TP53BP1: variants seen among roughly 807,000 people sequenced by gnomAD.
The protein encoded by TP53BP1 is TP53-binding protein 1.
In TP53BP1, 61 loss-of-function variants were observed where a neutral mutation model predicts 200.8. The ratio of observed to expected loss-of-function variants is 0.30; its 90% CI spans 0.25 to 0.38. The LOEUF (loss-of-function observed/expected upper bound fraction) is 0.38, where lower values mean the gene tolerates loss of function less well. Ranked by LOEUF, TP53BP1 falls within the 10% of genes least tolerant of loss-of-function variation. The pLI, the probability that TP53BP1 is intolerant of heterozygous loss-of-function variation, is 1.00. For missense variants in TP53BP1, 2,144 were observed against 2,371.9 expected, an observed-to-expected ratio of 0.90 and a Z score of 2.00; for synonymous variants, 822 against 844.3, an observed-to-expected ratio of 0.97 and a Z score of 0.46.
At position 43,405,175 on chromosome 15, in the gene TP53BP1, T is replaced by TA. The variant is rs1182178350; in HGVS notation, c.*2207dup. 6.2e-7 allele frequency: 1 copy of TA among 1,613,860 alleles called. No homozygotes were observed. Reference sequence around the variant, plus strand: ...GGTAGTCTTGGGAAAGCATGACACTTAATAAGGCTCTTTTTCTCTTTTGTA... The same window carrying TA: ...GGTAGTCTTGGGAAAGCATGACACTTAAATAAGGCTCTTTTTCTCTTTTGTA... On this transcript the variant is annotated 3_prime_UTR_variant, in exon 28 of 28. Coordinates refer to ENST00000382044, the MANE Select transcript of TP53BP1 (RefSeq NM_001141980.3).
chr15:43,404,557 G>A lies in TP53BP1; in HGVS notation c.*2826C>T, dbSNP rs1022407595. 11 of 1,613,846 alleles carry A rather than the reference G, an allele frequency of 6.8e-6. No homozygotes were observed. In the Admixed American group the frequency reaches 1.2e-4, roughly 17 times the overall value. ...GGCTGGTGGAACTCTGGGCAGGTAG[G>A]AGCAACCCTTGGGTAACTCAGTAGA... On this transcript the variant is annotated 3_prime_UTR_variant, in exon 28 of 28. Coordinates refer to ENST00000382044, the MANE Select transcript of TP53BP1 (RefSeq NM_001141980.3).
At chr15:43,491,968 A>G (rs780972739) in intron 3 of TP53BP1, 34 bp downstream of exon 3, 2 of 1,544,498 alleles carry the variant, frequency 1.3e-6, no homozygotes, top group Admixed American at 1.7e-5. Flanking sequence ...CACCCAAAAA[A>G]TGCAAAGGGG....
At chr15:43,451,360 G>A (rs1456342867) in intron 12 of TP53BP1, among the ~76,000 whole-genome samples, 1 of 144,204 alleles carries the variant, frequency 6.9e-6, no homozygotes, top group East Asian at 2.1e-4. Flanking sequence ...ACAGTCCCCA[G>A]AGTGTGATGT....
At chr15:43,438,297 A>T in intron 16 of TP53BP1, 27 bp downstream of exon 16, 1 of 1,605,064 alleles carries the variant, frequency 6.2e-7, no homozygotes. Context: ...AATGGAGCCC[A>T]AAAGATTCTA....
Position 43,435,493 on chromosome 15 carries a change from C to A in TP53BP1, c.3192-2816G>T, listed in dbSNP as rs926163152. 2.6e-5 allele frequency among the ~76,000 whole-genome samples: 4 copies of A among 152,020 alleles called. No homozygotes were observed. In the East Asian group the frequency reaches 7.7e-4, roughly 29 times the overall value. ...GCTTTAATAAAAAAGCAAGGCAATA[C>A]AATGACATCAATAAATTTAGTAATA... On this transcript the variant is annotated intron_variant, in intron 16 of 27. Coordinates refer to ENST00000382044, the MANE Select transcript of TP53BP1 (RefSeq NM_001141980.3).
intron 11 of TP53BP1, among the ~76,000 whole-genome samples, chr15:43,464,802 G>A (rs1311558769): frequency 6.6e-6 from 1 of 152,042 alleles, no homozygotes; most frequent in Non-Finnish European, 1.5e-5. Flanking sequence ...CAGCTACTCA[G>A]GAGGCTAAGG....
upstream of TP53BP1, chr15:43,497,468 A>C: frequency 1.0e-6 from 1 of 985,156 alleles, no homozygotes; most frequent in Non-Finnish European, 1.2e-6. Context: ...TCATCCTGTG[A>C]CTCGATAAAT....
chr15:43,449,304 T>G (rs1416439525), intron 12 of TP53BP1, among the ~76,000 whole-genome samples: 2 of 152,168 alleles, frequency 1.3e-5, no homozygotes, highest in African/African-American at 4.8e-5. Flanking sequence ...AATAAAGAAC[T>G]TAGAAGAGAT....
rs1194835213 is a variant in TP53BP1 at position 43,438,334 on chromosome 15, T to A, written c.3181A>T (p.Thr1061Ser). 3.7e-6 allele frequency: 6 copies of A among 1,613,652 alleles called. No individual in the cohort carries two copies. Among genetic ancestry groups the A allele is most frequent in the Non-Finnish European group, 4.2e-6 (5 of 1,179,794 alleles). The change falls in exon 16 of 28, where the codon ACA becomes TCA. Residue 1061 changes from threonine to serine, a missense_variant. Around this residue, in one of 4 missense-constraint regions of TP53BP1, gnomAD observed 1,700 missense variants for 1,710.3 expected, o/e 0.99. Coordinates refer to ENST00000382044, the MANE Select transcript of TP53BP1 (RefSeq NM_001141980.3). ...NEARSEDPPT[T>S]PIRGNLLHFP... ...AAAAATAATGCTTACCTGATGGGTG[T>A]GGTGGGGGGATCCTCACTTCGAGCC...
Position 43,438,304 on chromosome 15 carries a change from T to C in TP53BP1, c.3191+20A>G, listed in dbSNP as rs2045847707. 6.2e-7 allele frequency: 1 copy of C among 1,608,424 alleles called. No homozygotes were observed. The highest frequency in any genetic ancestry group is 8.5e-7 in the Non-Finnish European group (1 of 1,176,294). On this transcript the variant is annotated intron_variant, in intron 16 of 27. Transcript: ENST00000382044. The stretch of plus-strand genomic sequence containing the variant: ...TGTGAACCAATGGAGCCCAAAAGAT[T>C]CTATAAAAATAATGCTTACCTGATG...
intron 19 of TP53BP1, 24 bp from the exon 20 acceptor site, chr15:43,421,198 C>T (rs2045388523): frequency 1.2e-6 from 2 of 1,611,478 alleles, no homozygotes; most frequent in East Asian, 2.2e-5. Flanking sequence ...ACAAGTTAGT[C>T]TGATAGCACC....
At chr15:43,419,549 T>C (rs956088245) in intron 21 of TP53BP1, among the ~76,000 whole-genome samples, 1 of 140,736 alleles carries the variant, frequency 7.1e-6, no homozygotes, top group African/African-American at 2.7e-5. Flanking sequence ...TTTTTTTTTT[T>C]TTTTTTTTTT....
At chr15:43,452,976 C>T (rs1024181834) in intron 12 of TP53BP1, among the ~76,000 whole-genome samples, 15 of 151,992 alleles carry the variant, frequency 9.9e-5, no homozygotes, top group Non-Finnish European at 1.5e-4. Flanking sequence ...GGGCGGATCA[C>T]GAGGTCAGGA....
chr15:43,409,773 TACTG>T, intron 24 of TP53BP1, 32 bp from the exon 25 acceptor site: 1 of 1,137,636 alleles, frequency 8.8e-7, no homozygotes, highest in Non-Finnish European at 1.2e-6. Flanking sequence ...AGATAATAAT[TACTG>T]AGTGGTTTTC....
chr15:43,409,801 T>C, intron 24 of TP53BP1, 60 bp from the exon 25 acceptor site: 1 of 820,332 alleles, frequency 1.2e-6, no homozygotes, highest in South Asian at 2.0e-5. Flanking sequence ...TTTGCTACCT[T>C]ATGCCTCCTT....
At chr15:43,442,136 A>T (rs1346439566) in intron 14 of TP53BP1, among the ~76,000 whole-genome samples, 1 of 133,740 alleles carries the variant, frequency 7.5e-6, no homozygotes, top group African/African-American at 2.9e-5. Flanking sequence ...CCCAGGCTGG[A>T]GTGCAGTGGC....
At chr15:43,448,945 A>G (rs1425789889) in intron 12 of TP53BP1, among the ~76,000 whole-genome samples, 1 of 151,978 alleles carries the variant, frequency 6.6e-6, no homozygotes, top group East Asian at 1.9e-4. Flanking sequence ...TGGCCAAAAT[A>G]ATGAAACCCT....
At chr15:43,508,770 A>C (rs2253268) in intron 1 of TP53BP1, among the ~76,000 whole-genome samples, 70,532 of 152,144 alleles carry the variant, frequency 0.46, 21,377 homozygotes, top group African/African-American at 0.87. Context: ...ACATTGTCAG[A>C]CTTTGGCAGT....
intron 18 of TP53BP1, among the ~76,000 whole-genome samples, chr15:43,425,256 C>A (rs1046789550): frequency 3.3e-5 from 5 of 152,296 alleles, no homozygotes; most frequent in South Asian, 4.1e-4. Flanking sequence ...GACCATGGAA[C>A]CTTTTCCCTC....
Sources: gnomAD v4.1 joint callset for allele counts (sites outside exome capture counted in the v4.1 genomes callset) on GRCh38, gnomAD v4.1.1 for gene constraint, gnomAD v4.1.1 regional missense constraint, MANE v1.5 for transcripts, NCBI Gene and HGNC (gene_info 2026-07-23, HGNC 2026-07-21) for gene names.